PRKG1: variants seen among roughly 807,000 people sequenced by gnomAD.
PRKG1 encodes cGMP-dependent protein kinase 1.
Under a neutral mutation model 88.1 loss-of-function variants are expected in PRKG1, and 35 were observed. The ratio of observed to expected loss-of-function variants is 0.40; its 90% CI spans 0.30 to 0.53. The LOEUF (loss-of-function observed/expected upper bound fraction) is 0.53. Among genes scored for constraint, PRKG1 ranks in the 20% least tolerant of loss-of-function variants. The pLI, the probability that PRKG1 is intolerant of heterozygous loss-of-function variation, is 0.59. For synonymous variants in PRKG1, 303 were observed against 292.5 expected, an observed-to-expected ratio of 1.04 and a Z score of -0.37; for missense variants, 540 against 839.8, an observed-to-expected ratio of 0.64 and a Z score of 4.41.
At chr10:51,679,088 G>A (rs996065564) in intron 3 of PRKG1, among the ~76,000 whole-genome samples, 5 of 152,174 alleles carry the variant, frequency 3.3e-5, no homozygotes, top group Admixed American at 2.0e-4. Context: ...CAAGGTCTCT[G>A]ACATTTAGAT....
intron 1 of PRKG1, among the ~76,000 whole-genome samples, chr10:51,023,957 T>C (rs1334766613): frequency 6.6e-6 from 1 of 152,230 alleles, no homozygotes; most frequent in African/African-American, 2.4e-5. Flanking sequence ...CATTCTATTT[T>C]GAATAGTGAA....
At chr10:51,394,278 T>C (rs985187538) in intron 2 of PRKG1, among the ~76,000 whole-genome samples, 1 of 152,194 alleles carries the variant, frequency 6.6e-6, no homozygotes, top group African/African-American at 2.4e-5. Context: ...TCATGAACTC[T>C]GCCTGTGAGC....
At chr10:51,959,053 C>T (rs1843382586) in intron 5 of PRKG1, among the ~76,000 whole-genome samples, 1 of 152,134 alleles carries the variant, frequency 6.6e-6, no homozygotes, top group Admixed American at 6.6e-5. Context: ...TTAAAAATTA[C>T]ACTACCTTGC....
intron 3 of PRKG1, among the ~76,000 whole-genome samples, chr10:51,656,630 C>A (rs1372979392): frequency 6.6e-6 from 1 of 152,022 alleles, no homozygotes; most frequent in Non-Finnish European, 1.5e-5. Flanking sequence ...TGTTCATTTG[C>A]CTACTCTCTC....
At chr10:51,824,471 C>T (rs2132736296) in intron 4 of PRKG1, among the ~76,000 whole-genome samples, 1 of 152,158 alleles carries the variant, frequency 6.6e-6, no homozygotes, top group East Asian at 1.9e-4. Flanking sequence ...TGGATATAGG[C>T]ATAGCATAAG....
At chr10:51,973,856 T>A (rs1256262384) in intron 5 of PRKG1, among the ~76,000 whole-genome samples, 1 of 152,128 alleles carries the variant, frequency 6.6e-6, no homozygotes, top group Non-Finnish European at 1.5e-5. Context: ...ATGGATCAAA[T>A]ACATCATGCT....
chr10:51,372,077 A>G (rs1310861273), intron 2 of PRKG1, among the ~76,000 whole-genome samples: 1 of 152,190 alleles, frequency 6.6e-6, no homozygotes. Flanking sequence ...CATAATAAAA[A>G]ACATATGGAT....
intron 1 of PRKG1, among the ~76,000 whole-genome samples, chr10:51,078,983 A>G (rs1269949173): frequency 1.3e-5 from 2 of 152,214 alleles, no homozygotes; most frequent in African/African-American, 4.8e-5. Context: ...ATACTGATAT[A>G]TCTCAAGAAA....
rs139816663 is a variant in PRKG1 at position 52,193,718 on chromosome 10, T to A, written c.1076+31755T>A. ...ACATCAACAAATAACTTAAAACATA[T>A]ACAAAGAAAGCAAAAGGCAAATCTT... On this transcript the variant is annotated intron_variant, in intron 9 of 17. Coordinates refer to ENST00000373980, the MANE Select transcript of PRKG1 (RefSeq NM_006258.4). Among the ~76,000 whole-genome samples, 717 of 152,204 alleles carry A rather than the reference T, an allele frequency of 4.7e-3. 5 individuals are homozygous for A. The highest frequency in any genetic ancestry group is 0.016 in the African/African-American group (664 of 41,548).
intron 4 of PRKG1, among the ~76,000 whole-genome samples, chr10:51,809,659 A>G (rs1839400891): frequency 6.6e-6 from 1 of 152,186 alleles, no homozygotes; most frequent in South Asian, 2.1e-4. Context: ...TTCACTGACA[A>G]ATCAGAGAGA....
chr10:51,420,745 A>G (rs1838387753), intron 2 of PRKG1, among the ~76,000 whole-genome samples: 1 of 152,220 alleles, frequency 6.6e-6, no homozygotes, highest in Admixed American at 6.5e-5. Context: ...TAATTTGTTA[A>G]AACAGAGGTT....
At chr10:51,080,948 A>G (rs934330447) in intron 1 of PRKG1, among the ~76,000 whole-genome samples, 6 of 152,174 alleles carry the variant, frequency 3.9e-5, no homozygotes, top group African/African-American at 1.4e-4. Context: ...CTCCCTCCAA[A>G]ACTGTCCTGT....
At chr10:52,025,677 T>C (rs951747132) in intron 5 of PRKG1, among the ~76,000 whole-genome samples, 13 of 151,810 alleles carry the variant, frequency 8.6e-5, no homozygotes, top group Non-Finnish European at 4.4e-5. Context: ...TTCTGTTCCA[T>C]TGGTCTATAT....
At chr10:50,992,758 A>G (rs556342099) in intron 1 of PRKG1, among the ~76,000 whole-genome samples, 50 of 151,248 alleles carry the variant, frequency 3.3e-4, no homozygotes, top group Non-Finnish European at 6.3e-4. Context: ...GCAGCATTAA[A>G]GCGCCTCTGG....
intron 5 of PRKG1, among the ~76,000 whole-genome samples, chr10:52,020,456 C>T (rs766387049): frequency 2.6e-5 from 4 of 152,034 alleles, no homozygotes; most frequent in Non-Finnish European, 5.9e-5. Context: ...AGAAAGAATT[C>T]GATGGAGGGG....
chr10:52,092,687 A>G (rs1847084047), intron 7 of PRKG1, among the ~76,000 whole-genome samples: 1 of 152,204 alleles, frequency 6.6e-6, no homozygotes, highest in Non-Finnish European at 1.5e-5. Context: ...CACATCAAAT[A>G]CAATTTAAAT....
At chr10:52,063,219 C>T (rs780763286) in intron 7 of PRKG1, among the ~76,000 whole-genome samples, 14 of 152,132 alleles carry the variant, frequency 9.2e-5, no homozygotes, top group Non-Finnish European at 1.2e-4. Context: ...GGCACGTGAG[C>T]GAGTGTGGGG....
intron 10 of PRKG1, among the ~76,000 whole-genome samples, chr10:52,256,012 G>A (rs947381992): frequency 2.0e-5 from 3 of 146,476 alleles, no homozygotes; most frequent in African/African-American, 4.9e-5. Flanking sequence ...CAAGAATAAT[G>A]TATTTATGTG....
At chr10:51,730,456 T>C (rs1049850574) in intron 3 of PRKG1, among the ~76,000 whole-genome samples, 3 of 152,220 alleles carry the variant, frequency 2.0e-5, no homozygotes, top group African/African-American at 7.2e-5. Context: ...AGTTCTTTAC[T>C]CATGTGAAGT....
Sources: allele counts gnomAD v4.1 joint callset (sites outside exome capture counted in the v4.1 genomes callset), GRCh38; gene constraint gnomAD v4.1.1; transcripts MANE v1.5; gene names NCBI Gene and HGNC (gene_info 2026-07-23, HGNC 2026-07-21).